PTBP3: variants seen among roughly 807,000 people sequenced by gnomAD.
PTBP3 encodes the protein polypyrimidine tract binding protein 3.
Under a neutral mutation model 58.7 loss-of-function variants are expected in PTBP3, and 20 were observed. That is an observed-to-expected ratio of 0.34 (90% CI 0.24 to 0.50). The LOEUF (loss-of-function observed/expected upper bound fraction) is 0.50. Ranked by LOEUF, PTBP3 falls within the 20% of genes least tolerant of loss-of-function variation. PTBP3 has a pLI of 0.98. For missense variants in PTBP3, 509 were observed against 637.2 expected (o/e 0.80, Z 2.17); for synonymous variants, 185 against 219.8 (o/e 0.84, Z 1.40).
At chr9:112,273,534 A>T (rs1010411740) in intron 3 of PTBP3, among the ~76,000 whole-genome samples, 2 of 152,246 alleles carry the variant, frequency 1.3e-5, no homozygotes, top group Non-Finnish European at 2.9e-5. Context: ...AGGAAAAGCT[A>T]AACAATATAT....
the PTBP3 span, among the ~76,000 whole-genome samples, chr9:112,357,489 C>T: frequency 1.3e-5 from 2 of 152,068 alleles, no homozygotes; most frequent in Non-Finnish European, 2.9e-5. Context: ...ATAGCTGAGA[C>T]TACGCGCAGG....
intron 2 of PTBP3, among the ~76,000 whole-genome samples, chr9:112,278,766 G>A (rs1459992367): frequency 2.0e-5 from 3 of 152,138 alleles, no homozygotes; most frequent in East Asian, 1.9e-4. Context: ...ACGTTACTAA[G>A]CCTCAGATTC....
chr9:112,359,110 C>A, the PTBP3 span, among the ~76,000 whole-genome samples: 5 of 152,176 alleles, frequency 3.3e-5, no homozygotes, highest in African/African-American at 9.7e-5. Context: ...GCTGGGATTA[C>A]AGGTGTGCGC....
At chr9:112,369,893 G>T in the PTBP3 span, among the ~76,000 whole-genome samples, 3 of 152,282 alleles carry the variant, frequency 2.0e-5, no homozygotes, top group Admixed American at 1.3e-4. Flanking sequence ...ATAGGGGCCA[G>T]TTTTCCCATG....
chr9:112,248,274 T>C (rs1277930566), intron 7 of PTBP3, among the ~76,000 whole-genome samples: 1 of 152,126 alleles, frequency 6.6e-6, no homozygotes, highest in Non-Finnish European at 1.5e-5. Flanking sequence ...GAGAAACTAT[T>C]TGCAACCCAT....
the PTBP3 span, among the ~76,000 whole-genome samples, chr9:112,349,863 CAAAAAAAAAAAAA>C: frequency 2.0e-5 from 1 of 49,692 alleles, no homozygotes; most frequent in Non-Finnish European, 3.3e-5. Context: ...GACTCTGTCT[CAAAAAAAAAAAAA>C]AAAAAAAAAA....
the PTBP3 span, among the ~76,000 whole-genome samples, chr9:112,347,332 C>T: frequency 1.8e-4 from 25 of 140,848 alleles, no homozygotes; most frequent in Non-Finnish European, 2.7e-4. Flanking sequence ...ACTATATGTA[C>T]TGGGATACCT....
chr9:112,239,863 GAGGGAGGGAGGGAGGGAGGC>G (rs1835583186), intron 7 of PTBP3, among the ~76,000 whole-genome samples: 1 of 108,348 alleles, frequency 9.2e-6, no homozygotes, highest in African/African-American at 3.4e-5. Flanking sequence ...GGGAGGGAGG[GAGGGAGGGAGGGAGGGAGGC>G]AAGGAAGGAT....
At chr9:112,351,249 G>T in the PTBP3 span, among the ~76,000 whole-genome samples, 1 of 152,128 alleles carries the variant, frequency 6.6e-6, no homozygotes, top group Non-Finnish European at 1.5e-5. Flanking sequence ...TGCCTCGTTT[G>T]TGATGACCTT....
intron 1 of PTBP3, chr9:112,332,901 G>A: frequency 6.3e-7 from 1 of 1,588,090 alleles, no homozygotes; most frequent in Non-Finnish European, 8.6e-7. Flanking sequence ...CACAGCACAA[G>A]TCGGGAGACC....
intron 1 of PTBP3, among the ~76,000 whole-genome samples, chr9:112,298,971 A>G (rs1828804254): frequency 6.6e-6 from 1 of 152,206 alleles, no homozygotes; most frequent in Non-Finnish European, 1.5e-5. Flanking sequence ...CTCAACTCCC[A>G]GAAAAATCAA....
At chr9:112,350,364 A>G in the PTBP3 span, among the ~76,000 whole-genome samples, 1 of 152,182 alleles carries the variant, frequency 6.6e-6, no homozygotes. Context: ...AAGAAAAAAG[A>G]TTTTAAAATT....
rs73537756 is a variant in PTBP3, at chr9:112,267,922, T to C, written c.351+127A>G. 1,436 of 811,050 alleles carry C rather than the reference T, an allele frequency of 1.8e-3. 22 individuals carry two copies. The African/African-American group carries it at 0.023, about 13-fold the overall frequency. The allele number at this position is 811,050 out of a possible 1,614,324, so 50.2% of individuals were successfully genotyped here. On this transcript the variant is annotated intron_variant, in intron 4 of 13. Coordinates refer to ENST00000374257, the MANE Select transcript of PTBP3 (RefSeq NM_001163788.4). ...AGAATTGGGGGGAAGAATTTACATA[T>C]ACAATTATGACTAGTAAAGTATCCT...
intron 1 of PTBP3, among the ~76,000 whole-genome samples, chr9:112,306,323 C>T (rs1049727567): frequency 4.0e-5 from 6 of 151,854 alleles, no homozygotes; most frequent in Non-Finnish European, 7.4e-5. Context: ...CACCACCATG[C>T]CCAGCTAATT....
intron 6 of PTBP3, among the ~76,000 whole-genome samples, chr9:112,251,388 ACTGT>A (rs1836110085): frequency 6.6e-6 from 1 of 152,160 alleles, no homozygotes; most frequent in Admixed American, 6.5e-5. Flanking sequence ...TTGGAAAACT[ACTGT>A]CTATCATAGA....
At chr9:112,378,248 C>T in the PTBP3 span, among the ~76,000 whole-genome samples, 109 of 152,316 alleles carry the variant, frequency 7.2e-4, no homozygotes, top group Middle Eastern at 6.8e-3. Flanking sequence ...TTTAAACTTG[C>T]TTGGTAAAAC....
chr9:112,330,395 C>A, intron 1 of PTBP3: 1 of 1,372,304 alleles, frequency 7.3e-7, no homozygotes, highest in Non-Finnish European at 1.0e-6. Context: ...GAAAATATGC[C>A]AAAAGATATA....
intron 1 of PTBP3, among the ~76,000 whole-genome samples, chr9:112,313,367 C>G (rs1448650467): frequency 6.6e-6 from 1 of 152,156 alleles, no homozygotes; most frequent in African/African-American, 2.4e-5. Flanking sequence ...CTACACCCAG[C>G]CTAATAAGTT....
intron 2 of PTBP3, among the ~76,000 whole-genome samples, chr9:112,282,156 C>T (rs1827897401): frequency 6.6e-6 from 1 of 152,122 alleles, no homozygotes; most frequent in Non-Finnish European, 1.5e-5. Flanking sequence ...CATCACATAG[C>T]GAGTTAGGGC....
Sources: allele counts gnomAD v4.1 joint callset (sites outside exome capture counted in the v4.1 genomes callset), GRCh38; gene constraint gnomAD v4.1.1; transcripts MANE v1.5; gene names NCBI Gene and HGNC (gene_info 2026-07-23, HGNC 2026-07-21).